Variants in ZCCHC14 observed in about 807,000 individuals in gnomAD.
ZCCHC14 encodes the protein zinc finger CCHC domain-containing protein 14.
ZCCHC14 carries 16 observed loss-of-function variants against 85.0 expected under a neutral mutation model. The ratio of observed to expected loss-of-function variants is 0.19; its 90% CI spans 0.13 to 0.29. ZCCHC14 has a LOEUF of 0.29. ZCCHC14 is among the 10% of genes least tolerant of loss of function. The probability of loss-of-function intolerance (pLI) is 1.00; values close to 1 mark genes in which losing one functional copy is unlikely to be tolerated. For synonymous variants in ZCCHC14, 775 were observed against 630.7 expected (o/e 1.23, Z -3.43); for missense variants, 1,303 against 1,443.5 (o/e 0.90, Z 1.58).
intron 1 of ZCCHC14, among the ~76,000 whole-genome samples, chr16:87,490,789 G>C (rs1342151427): frequency 1.3e-5 from 2 of 152,204 alleles, no homozygotes; most frequent in Non-Finnish European, 2.9e-5. Flanking sequence ...ACGTTCACAA[G>C]CATGTGCACA....
intron 8 of ZCCHC14, among the ~76,000 whole-genome samples, chr16:87,415,949 C>T (rs761574595): frequency 1.3e-5 from 2 of 151,982 alleles, no homozygotes; most frequent in African/African-American, 4.8e-5. Flanking sequence ...TTTTTTGAGA[C>T]GGAGTTTCAC....
intron 1 of ZCCHC14, among the ~76,000 whole-genome samples, chr16:87,483,577 A>C (rs867398790): frequency 1.3e-5 from 2 of 152,194 alleles, no homozygotes; most frequent in South Asian, 4.1e-4. Flanking sequence ...ATATCAATGA[A>C]ATCGTTTACT....
At position 87,411,806 on chromosome 16, in the gene ZCCHC14, T is replaced by A; in HGVS notation, c.2915A>T (p.Tyr972Phe). The change falls in exon 12 of 13, where the codon TAC becomes TTC. Residue 972 changes from tyrosine to phenylalanine, a missense_variant. This residue lies in a region of ZCCHC14 where 797 missense variants were observed against 730.8 expected (regional missense o/e 1.09). Transcript: ENST00000671377. ...LPFSPMCSSG[Y>F]VSAQQYGGGS... ...GCCGCCGTACTGCTGGGCGCTGACG[T>A]AGCCGCTGCTGCACATGGGACTGAA... 1 of 1,611,986 alleles carries A rather than the reference T, an allele frequency of 6.2e-7. No homozygotes were observed. The highest frequency in any genetic ancestry group is 8.5e-7 in the Non-Finnish European group (1 of 1,179,274).
chr16:87,455,643 C>T (rs769724085), intron 2 of ZCCHC14, among the ~76,000 whole-genome samples: 4 of 152,240 alleles, frequency 2.6e-5, no homozygotes, highest in East Asian at 1.9e-4. Context: ...AATCAGAATC[C>T]GTGGCTGAGG....
At chr16:87,468,415 T>C (rs1433007438) in intron 1 of ZCCHC14, among the ~76,000 whole-genome samples, 4 of 151,916 alleles carry the variant, frequency 2.6e-5, no homozygotes, top group African/African-American at 9.7e-5. Flanking sequence ...TCAGCTGTTT[T>C]AGAATATGTT....
intron 7 of ZCCHC14, among the ~76,000 whole-genome samples, 168 bp downstream of exon 7, chr16:87,418,679 C>CT (rs1288118214): frequency 1.3e-5 from 2 of 152,154 alleles, no homozygotes; most frequent in Non-Finnish European, 2.9e-5. Flanking sequence ...TTAGAGAACT[C>CT]TTTTTTTGGA....
At chr16:87,430,030 T>C (rs1482438317) in intron 3 of ZCCHC14, among the ~76,000 whole-genome samples, 3 of 152,272 alleles carry the variant, frequency 2.0e-5, no homozygotes, top group Admixed American at 1.3e-4. Context: ...ATTCTCTTCA[T>C]AGCATCTCTC....
At chr16:87,410,360 C>G (rs1198437410) in intron 12 of ZCCHC14, 25 bp from the exon 13 acceptor site, 3 of 769,746 alleles carry the variant, frequency 3.9e-6, no homozygotes, top group Admixed American at 1.8e-5. Flanking sequence ...AAAAAGAGGT[C>G]AAATTTGAAT....
chr16:87,453,684 C>T (rs1443472597), intron 2 of ZCCHC14, among the ~76,000 whole-genome samples: 2 of 152,252 alleles, frequency 1.3e-5, no homozygotes, highest in Non-Finnish European at 2.9e-5. Flanking sequence ...ACAATATTCC[C>T]TGTTGCAAGA....
chr16:87,412,206 C>T lies in ZCCHC14; in HGVS notation c.2515G>A (p.Ala839Thr). Residue 839 changes from alanine to threonine, a missense_variant, in exon 12 of 13, where the codon GCA (alanine) becomes ACA (threonine). Coordinates refer to ENST00000671377, the MANE Select transcript of ZCCHC14 (RefSeq NM_015144.3). The stretch of plus-strand genomic sequence containing the variant: ...CTGGGAGAGGCAGTGTTGCTGTTTG[C>T]ACAGAAGCCACCCTGCAGGGGGCCC... ...PVGPLQGGFCANSNTASPSSH... is the reference protein window; with the variant it reads ...PVGPLQGGFCTNSNTASPSSH... 6.2e-7 allele frequency: 1 copy of T among 1,613,972 alleles called. No homozygotes were observed. Among genetic ancestry groups the T allele is most frequent in the Non-Finnish European group, 8.5e-7 (1 of 1,180,040 alleles).
intron 2 of ZCCHC14, among the ~76,000 whole-genome samples, chr16:87,444,051 A>AG (rs1223830634): frequency 1.3e-5 from 2 of 151,624 alleles, no homozygotes; most frequent in Non-Finnish European, 2.9e-5. Context: ...AAAAAAAAAA[A>AG]AAAAAAAAGA....
intron 4 of ZCCHC14, among the ~76,000 whole-genome samples, chr16:87,423,186 G>GT (rs1332452515): frequency 6.6e-6 from 1 of 152,226 alleles, no homozygotes; most frequent in Non-Finnish European, 1.5e-5. Context: ...AGTTACAACT[G>GT]TGTGTACACA....
chr16:87,425,925 C>T (rs767843631), intron 3 of ZCCHC14, among the ~76,000 whole-genome samples: 11 of 152,234 alleles, frequency 7.2e-5, no homozygotes, highest in East Asian at 1.9e-4. Context: ...ATGGTATGGA[C>T]AGATCATCTT....
In ZCCHC14 at chr16:87,408,689, G is replaced by C. The variant is rs117724101; in HGVS notation, c.*1591C>G. The C allele has an allele frequency of 6.6e-6, 1 of 152,416 alleles. No individual in the cohort carries two copies. The highest frequency in any genetic ancestry group is 1.5e-5 in the Non-Finnish European group (1 of 68,016). 9.4% of individuals were successfully genotyped at this position (152,416 alleles called of 1,614,324 possible). ...ACTAAAAGCCTGTCATAAAAAAAAT[G>C]TAACAACTTTCTGCTTTAGTTTCTA... On this transcript the variant is annotated 3_prime_UTR_variant, in exon 13 of 13. Transcript: ENST00000671377.
rs557105536 is a variant in ZCCHC14, at chr16:87,414,852, G to A, written c.1476-311C>T. Among the ~76,000 whole-genome samples the A allele has an allele frequency of 1.6e-3, 237 of 152,262 alleles. 2 individuals are homozygous for A. Among genetic ancestry groups the A allele is most frequent in the African/African-American group, 5.1e-3 (213 of 41,540 alleles). The stretch of plus-strand genomic sequence containing the variant: ...TCCCAGCACTTTGGGAGGCCCAGGC[G>A]GGCAGATCGCCTGAGGTCCAGAGTT... On this transcript the variant is annotated intron_variant, in intron 9 of 12. Coordinates refer to ENST00000671377, the MANE Select transcript of ZCCHC14 (RefSeq NM_015144.3).
rs1398734566 is a variant in ZCCHC14 at position 87,491,509 on chromosome 16, C to A, written c.570+160G>T. Among the ~76,000 whole-genome samples, 1 of 151,478 alleles carries A rather than the reference C, an allele frequency of 6.6e-6. No individual in the cohort carries two copies. The highest frequency in any genetic ancestry group is 1.5e-5 in the Non-Finnish European group (1 of 67,856). ...GAGGCTTAGGATGGGGCTTGGGATA[C>A]GGGCTGGGGGCTCGTGGTGCAGGTT... is the stretch of plus-strand genomic sequence containing the variant. On this transcript the variant is annotated intron_variant, in intron 1 of 12. Coordinates refer to ENST00000671377, the MANE Select transcript of ZCCHC14 (RefSeq NM_015144.3). The surrounding 1 kb of genome is among the most constrained non-coding windows in gnomAD (Gnocchi z 5.9).
intron 1 of ZCCHC14, among the ~76,000 whole-genome samples, chr16:87,486,507 C>T (rs148928713): frequency 1.3e-3 from 195 of 152,270 alleles, no homozygotes; most frequent in Non-Finnish European, 2.6e-3. Context: ...GTGCACTCTG[C>T]GGTGCTCACA....
chr16:87,431,072 G>C (rs558351248), intron 3 of ZCCHC14, among the ~76,000 whole-genome samples: 1 of 152,064 alleles, frequency 6.6e-6, no homozygotes, highest in Non-Finnish European at 1.5e-5. Context: ...CCAGGAGATC[G>C]AGGCTGTAGT....
intron 1 of ZCCHC14, among the ~76,000 whole-genome samples, chr16:87,466,110 G>C (rs370875010): frequency 1.2e-4 from 18 of 150,546 alleles, no homozygotes; most frequent in East Asian, 7.8e-4. Flanking sequence ...ACTACCCCCC[G>C]CCTCAGGTAT....
Sources: allele counts gnomAD v4.1 joint callset (sites outside exome capture counted in the v4.1 genomes callset), GRCh38; gene constraint gnomAD v4.1.1; regional missense constraint gnomAD v4.1.1; non-coding constraint Gnocchi (gnomAD v3.1); transcripts MANE v1.5; gene names NCBI Gene and HGNC (gene_info 2026-07-23, HGNC 2026-07-21).